The following ZNF638 variants were observed in gnomAD, a reference collection of about 807,000 sequenced individuals.
ZNF638 encodes zinc finger protein 638.
A neutral mutation model predicts 195.6 loss-of-function variants in ZNF638; 46 were observed. The ratio of observed to expected loss-of-function variants is 0.24; its 90% confidence interval spans 0.19 to 0.30. The LOEUF (loss-of-function observed/expected upper bound fraction) is 0.30, where lower values mean the gene tolerates loss of function less well. Among genes scored for constraint, ZNF638 ranks in the 10% least tolerant of loss-of-function variants. The probability of loss-of-function intolerance (pLI) is 1.00; values close to 1 mark genes in which losing one functional copy is unlikely to be tolerated. For missense variants in ZNF638, 2,440 were observed against 2,325.3 expected, an observed-to-expected ratio of 1.05 and a Z score of -1.01; for synonymous variants, 845 against 772.0, an observed-to-expected ratio of 1.09 and a Z score of -1.57.
intron 10 of ZNF638, among the ~76,000 whole-genome samples, chr2:71,385,797 A>T (rs1397638373): frequency 2.0e-5 from 3 of 152,218 alleles, no homozygotes; most frequent in Non-Finnish European, 2.9e-5. Context: ...ATGTGAATTT[A>T]CAATTATCTC....
chr2:71,382,275 C>A (rs531575877), intron 10 of ZNF638, among the ~76,000 whole-genome samples: 222 of 152,186 alleles, frequency 1.5e-3, no homozygotes, highest in African/African-American at 5.2e-3. Context: ...GTCAGCCAAT[C>A]ATATGGCATT....
At chr2:71,397,722 A>G (rs1244970713) in intron 11 of ZNF638, among the ~76,000 whole-genome samples, 1 of 152,138 alleles carries the variant, frequency 6.6e-6, no homozygotes, top group African/African-American at 2.4e-5. Flanking sequence ...TCGAAGTTAA[A>G]TCTTCTGTTG....
At chr2:71,383,762 C>CTTTTTTTTTTTTTT (rs1181570876) in intron 10 of ZNF638, among the ~76,000 whole-genome samples, 5 of 76,718 alleles carry the variant, frequency 6.5e-5, no homozygotes, top group South Asian at 5.4e-4. Flanking sequence ...TTTTCTTTTT[C>CTTTTTTTTTTTTTT]TTTTTTTTTT....
At chr2:71,366,206 TG>T (rs1410968723) in intron 6 of ZNF638, among the ~76,000 whole-genome samples, 2 of 151,758 alleles carry the variant, frequency 1.3e-5, no homozygotes, top group Admixed American at 1.3e-4. Flanking sequence ...AAAAATGAGC[TG>T]GGGGTAGCGG....
At chr2:71,411,474 A>ATGT (rs1553484769) in intron 20 of ZNF638, among the ~76,000 whole-genome samples, 2 of 122,772 alleles carry the variant, frequency 1.6e-5, no homozygotes, top group East Asian at 2.6e-4. Context: ...TTTATTTTTA[A>ATGT]TTTTTTTTTT....
intron 15 of ZNF638, among the ~76,000 whole-genome samples, chr2:71,401,636 G>A (rs1266095602): frequency 1.3e-5 from 2 of 151,560 alleles, no homozygotes; most frequent in South Asian, 2.1e-4. Context: ...GCAGTGAGCC[G>A]AGGTTGTACC....
intron 10 of ZNF638, among the ~76,000 whole-genome samples, chr2:71,386,885 T>C (rs1276453228): frequency 1.3e-5 from 2 of 152,062 alleles, no homozygotes; most frequent in African/African-American, 4.8e-5. Flanking sequence ...TTTTTTTCTG[T>C]TGCCCAGGCT....
chr2:71,369,197 T>A (rs1409694577), intron 7 of ZNF638, among the ~76,000 whole-genome samples: 1 of 151,484 alleles, frequency 6.6e-6, no homozygotes, highest in Non-Finnish European at 1.5e-5. Context: ...TAGCCAGACA[T>A]CTGTAATCCC....
At chr2:71,378,247 G>A (rs1022512708) in intron 8 of ZNF638, among the ~76,000 whole-genome samples, 1 of 152,140 alleles carries the variant, frequency 6.6e-6, no homozygotes, top group Non-Finnish European at 1.5e-5. Context: ...TGTAGCCAAG[G>A]AGTAAAGGCT....
At chr2:71,362,226 T>A (rs1240128921) in intron 3 of ZNF638, among the ~76,000 whole-genome samples, 1 of 152,154 alleles carries the variant, frequency 6.6e-6, no homozygotes, top group Admixed American at 6.6e-5. Flanking sequence ...ACTCTAAAGT[T>A]GTCGATGTGC....
In ZNF638 at chr2:71,422,836, A is replaced by G. The variant is rs61739715; in HGVS notation, c.3322A>G (p.Ile1108Val). Residue 1108 changes from isoleucine (I) to valine (V), a missense_variant, in exon 22 of 28, where the codon ATT becomes GTT. Transcript: ENST00000264447. ...KESPGLKNSP[I>V]DESEVQTATD... ...TAGCCCTGGCTTGAAAAACAGTCCA[A>G]TTGATGAAAGTGAGGTGCAAACAGC... The G allele has an allele frequency of 2.9e-3, 4,646 of 1,612,354 alleles. 79 individuals are homozygous for G. The East Asian group carries it at 0.053, about 18-fold the overall frequency.
rs1573174679 is a variant in ZNF638, at chr2:71,427,563, C to G, written c.5545+149C>G. ...CAGTTAAAGTCAACAATAAATTTTC[C>G]AAAGAAATGTGTACAAGTTTCACAG... On this transcript the variant is annotated intron_variant, in intron 24 of 27. Coordinates refer to ENST00000264447, the MANE Select transcript of ZNF638 (RefSeq NM_014497.5). 81 of 555,290 alleles carry G rather than the reference C, an allele frequency of 1.5e-4. 1 individual carries two copies. The East Asian group carries it at 2.6e-3, about 18-fold the overall frequency. 34.4% of individuals were successfully genotyped at this position (555,290 alleles called of 1,614,324 possible).
At chr2:71,401,229 T>C (rs1200380515) in intron 15 of ZNF638, among the ~76,000 whole-genome samples, 10 of 152,152 alleles carry the variant, frequency 6.6e-5, no homozygotes. Flanking sequence ...AATTGCCAAG[T>C]TGACTATAGC....
At chr2:71,360,495 C>T (rs2079090587) in intron 3 of ZNF638, among the ~76,000 whole-genome samples, 1 of 152,120 alleles carries the variant, frequency 6.6e-6, no homozygotes, top group Admixed American at 6.6e-5. Context: ...TACCCTCAAT[C>T]CAGTATTCAG....
At chr2:71,345,846 C>T (rs2078842455) in intron 1 of ZNF638, among the ~76,000 whole-genome samples, 1 of 152,140 alleles carries the variant, frequency 6.6e-6, no homozygotes, top group African/African-American at 2.4e-5. Flanking sequence ...ACATTGTTCC[C>T]CTCTAAAAGG....
chr2:71,421,438 G>T (rs2080431239), intron 21 of ZNF638, among the ~76,000 whole-genome samples: 1 of 152,106 alleles, frequency 6.6e-6, no homozygotes, highest in Middle Eastern at 3.2e-3. Flanking sequence ...AAGGTTTAGG[G>T]TCAAGAGGTA....
intron 27 of ZNF638, 120 bp from the exon 28 acceptor site, chr2:71,434,622 G>A: frequency 2.5e-6 from 2 of 796,424 alleles, no homozygotes; most frequent in Non-Finnish European, 4.0e-6. Context: ...ATAAGGCACT[G>A]TGTTTATAAT....
chr2:71,362,451 C>G (rs1053402825), intron 3 of ZNF638, among the ~76,000 whole-genome samples: 14 of 151,918 alleles, frequency 9.2e-5, no homozygotes, highest in African/African-American at 3.4e-4. Context: ...TGTTTTTTTC[C>G]TGTGTGTAAC....
At chr2:71,345,914 CTT>C (rs1202357539) in intron 1 of ZNF638, among the ~76,000 whole-genome samples, 1 of 152,198 alleles carries the variant, frequency 6.6e-6, no homozygotes, top group South Asian at 2.1e-4. Flanking sequence ...GAAGACCACT[CTT>C]AGAGTACTCT....
Sources: gnomAD v4.1 joint callset for allele counts (sites outside exome capture counted in the v4.1 genomes callset) on GRCh38, gnomAD v4.1.1 for gene constraint, MANE v1.5 for transcripts, NCBI Gene and HGNC (gene_info 2026-07-23, HGNC 2026-07-21) for gene names.